The following RO60 variants were observed in gnomAD, a reference collection of about 807,000 sequenced individuals.
The protein encoded by RO60 is Ro60, Y RNA binding protein, also known as RNA-binding protein RO60.
RO60 carries 20 observed loss-of-function variants against 55.3 expected under a neutral mutation model. The ratio of observed to expected loss-of-function variants is 0.36; its 90% CI spans 0.25 to 0.53. The LOEUF (loss-of-function observed/expected upper bound fraction) is 0.53, where lower values mean the gene tolerates loss of function less well. Among genes scored for constraint, RO60 ranks in the 20% least tolerant of loss-of-function variants. RO60 has a pLI of 0.92. For missense variants in RO60, 558 were observed against 646.6 expected (o/e 0.86, Z 1.49); for synonymous variants, 213 against 213.6 (o/e 1.00, Z 0.02).
In RO60 at chr1:193,076,158, A is replaced by G. The variant is rs1673902446; in HGVS notation, c.801+118A>G. 4 of 609,920 alleles carry G rather than the reference A, an allele frequency of 6.6e-6. No individual in the cohort carries two copies. In the Admixed American group the frequency reaches 1.2e-4, roughly 18 times the overall value. The allele number at this position is 609,920 out of a possible 1,614,324, so 37.8% of individuals were successfully genotyped here. A position where few individuals can be genotyped will look rare whatever the true frequency, so the allele number is the denominator to read the frequency against. On this transcript the variant is annotated intron_variant, in intron 3 of 8. Coordinates refer to ENST00000400968, the MANE Select transcript of RO60 (RefSeq NM_001173524.2). The stretch of plus-strand genomic sequence containing the variant: ...CTTTTAAAAAGAAATTATTTAAAAT[A>G]TATCTTGAAATTGATGTCTGTTTAA...
At chr1:193,066,805 G>T (rs1279989351) in intron 1 of RO60, among the ~76,000 whole-genome samples, 1 of 152,056 alleles carries the variant, frequency 6.6e-6, no homozygotes, top group Admixed American at 6.5e-5. Context: ...ATGTCTTTAT[G>T]GCTCTACAGG....
At position 193,088,532 on chromosome 1, in the gene RO60, A is replaced by C. The variant is rs979684005; in HGVS notation, c.*3801A>C. The C allele has an allele frequency of 6.6e-6, 1 of 152,260 alleles. No homozygotes were observed. Among genetic ancestry groups the C allele is most frequent in the East Asian group, 1.9e-4 (1 of 5,176 alleles). 9.4% of individuals were successfully genotyped at this position (152,260 alleles called of 1,614,324 possible). On this transcript the variant is annotated 3_prime_UTR_variant, in exon 9 of 9. Coordinates refer to ENST00000400968, the MANE Select transcript of RO60 (RefSeq NM_001173524.2). Reference sequence around the variant, plus strand: ...AGTAAAGCTACACCTAAATAACTAAAGCCTAAATCATTGTAATGTTTTGTT... The same window carrying C: ...AGTAAAGCTACACCTAAATAACTAACGCCTAAATCATTGTAATGTTTTGTT...
chr1:193,083,130 G>A lies in RO60; in HGVS notation c.1464+422G>A, dbSNP rs950555248. On this transcript the variant is annotated intron_variant, in intron 8 of 8. Transcript: ENST00000400968. The stretch of plus-strand genomic sequence containing the variant: ...GTATCTTATATAGGAGCCAGTGTCC[G>A]TTATAGACTCAGCAGTACTTAAAAT... Among the ~76,000 whole-genome samples the A allele has an allele frequency of 5.3e-5, 8 of 152,082 alleles. No individual in the cohort carries two copies. In the South Asian group the frequency reaches 1.2e-3, roughly 24 times the overall value.
At position 193,089,765 on chromosome 1, in the gene RO60, GCAC is replaced by G. The variant is rs1674778164; in HGVS notation, c.*5038_*5040del. ...CTTCTGTTTTATTTAGCCCTGCCAT[GCAC>G]CACATTAATTTTATGAACATAAATG... On this transcript the variant is annotated 3_prime_UTR_variant, in exon 9 of 9. Coordinates refer to ENST00000400968, the MANE Select transcript of RO60 (RefSeq NM_001173524.2). 6.6e-6 allele frequency: 1 copy of G among 150,722 alleles called. No individual in the cohort carries two copies. The highest frequency in any genetic ancestry group is 1.5e-5 in the Non-Finnish European group (1 of 67,802). 9.3% of individuals were successfully genotyped at this position (150,722 alleles called of 1,614,324 possible). A position where few individuals can be genotyped will look rare whatever the true frequency, so the allele number is the denominator to read the frequency against.
chr1:193,074,052 A>G (rs1187823751), intron 2 of RO60, among the ~76,000 whole-genome samples: 6 of 151,974 alleles, frequency 3.9e-5, no homozygotes, highest in Non-Finnish European at 7.4e-5. Flanking sequence ...CCATGTCCCT[A>G]CAAAGGACAT....
Position 193,069,329 on chromosome 1 carries a change from T to C in RO60, c.275T>C (p.Met92Thr), listed in dbSNP as rs753858728. 9 of 1,614,120 alleles carry C rather than the reference T, an allele frequency of 5.6e-6. No individual in the cohort carries two copies. The African/African-American group carries it at 1.2e-4, about 22-fold the overall frequency. The stretch of plus-strand genomic sequence containing the variant: ...GGCAGAACCACAAAGCAAGAGCCTA[T>C]GCTCTTTGCACTTGCCATTTGTTCC... ...QEGRTTKQEPMLFALAICSQC... is the reference protein window; with the variant it reads ...QEGRTTKQEPTLFALAICSQC... The change falls in exon 2 of 9, where the codon ATG becomes ACG. Residue 92 changes from methionine (M) to threonine (T), a missense_variant. Met to Thr is a moderately conservative substitution (Grantham distance 81, BLOSUM62 -1). Transcript: ENST00000400968.
Position 193,059,661 on chromosome 1 carries a change from T to C in RO60, c.-137T>C. 7.3e-7 allele frequency: 1 copy of C among 1,377,470 alleles called. No homozygotes were observed. Among genetic ancestry groups the C allele is most frequent in the South Asian group, 1.2e-5 (1 of 86,738 alleles). 85.3% of individuals were successfully genotyped at this position (1,377,470 alleles called of 1,614,324 possible). On this transcript the variant is annotated 5_prime_UTR_variant, in exon 1 of 9. Coordinates refer to ENST00000400968, the MANE Select transcript of RO60 (RefSeq NM_001173524.2). This position sits in a 1 kb window ranked among gnomAD's most constrained non-coding sequence, Gnocchi z 4.9. ...GAATCCCCGGCGGCAGTGGGGCTGT[T>C]GCTGTTGCTGTGGCTGTCGCTGCCC...
In RO60 at chr1:193,090,288, T is replaced by C. The variant is rs1674806416; in HGVS notation, c.*5557T>C. On this transcript the variant is annotated 3_prime_UTR_variant, in exon 9 of 9. Coordinates refer to ENST00000400968, the MANE Select transcript of RO60 (RefSeq NM_001173524.2). ...TTTTAAATATCATTACCAGATATAA[T>C]TGAGGGAATATTATATCAACAAACA... 6.6e-6 allele frequency: 1 copy of C among 152,110 alleles called. No individual in the cohort carries two copies. Among genetic ancestry groups the C allele is most frequent in the Admixed American group, 6.6e-5 (1 of 15,222 alleles). 9.4% of individuals were successfully genotyped at this position (152,110 alleles called of 1,614,324 possible).
chr1:193,059,928 G>A lies in RO60; in HGVS notation c.-22+152G>A, dbSNP rs565410461. 3 of 1,366,270 alleles carry A rather than the reference G, an allele frequency of 2.2e-6. No homozygotes were observed. The highest frequency in any genetic ancestry group is 1.5e-5 in the African/African-American group (1 of 67,850). 84.6% of individuals were successfully genotyped at this position (1,366,270 alleles called of 1,614,324 possible). A position where few individuals can be genotyped will look rare whatever the true frequency, so the allele number is the denominator to read the frequency against. On this transcript the variant is annotated intron_variant, in intron 1 of 8. Transcript: ENST00000400968. This position sits in a 1 kb window ranked among gnomAD's most constrained non-coding sequence, Gnocchi z 4.9. ...TATCGCTCTTCCCCGTCCCGCTTCC[G>A]CGCCTGTCCACCCTGGGTAACGGAA...
intron 5 of RO60, among the ~76,000 whole-genome samples, chr1:193,080,763 C>T (rs533433795): frequency 3.3e-5 from 5 of 152,188 alleles, no homozygotes; most frequent in Non-Finnish European, 5.9e-5. Flanking sequence ...GCCAGACAAA[C>T]AAGGACAAGT....
intron 1 of RO60, among the ~76,000 whole-genome samples, chr1:193,066,760 G>A (rs1449023044): frequency 6.6e-6 from 1 of 152,076 alleles, no homozygotes; most frequent in Non-Finnish European, 1.5e-5. Context: ...CTTTTATCTT[G>A]TGTTCCTCTT....
chr1:193,065,120 G>A (rs1476007217), intron 1 of RO60, among the ~76,000 whole-genome samples: 13 of 152,116 alleles, frequency 8.5e-5, no homozygotes, highest in Admixed American at 5.9e-4. Context: ...CTCAAAATGT[G>A]TTATGGGAAA....
intron 5 of RO60, among the ~76,000 whole-genome samples, chr1:193,080,844 T>C (rs1674257393): frequency 6.6e-6 from 1 of 152,188 alleles, no homozygotes; most frequent in Admixed American, 6.6e-5. Context: ...GAATAGAAGT[T>C]GCCAGGGGCT....
chr1:193,077,512 A>C (rs1041795647), intron 5 of RO60, among the ~76,000 whole-genome samples: 1 of 152,200 alleles, frequency 6.6e-6, no homozygotes, highest in Non-Finnish European at 1.5e-5. Flanking sequence ...AGTGATGAGC[A>C]TAAGGGGGGA....
intron 1 of RO60, among the ~76,000 whole-genome samples, chr1:193,066,065 TCA>T (rs1673086295): frequency 6.6e-6 from 1 of 152,206 alleles, no homozygotes; most frequent in Non-Finnish European, 1.5e-5. Context: ...GGGAATGTCT[TCA>T]GTTTCCTTAT....
chr1:193,060,075 G>A (rs1672399009), intron 1 of RO60: 1 of 1,298,334 alleles, frequency 7.7e-7, no homozygotes, highest in Non-Finnish European at 1.0e-6. Flanking sequence ...GACGTCGAGA[G>A]GGCCTGCTTT....
At chr1:193,061,137 T>C (rs1022747007) in intron 1 of RO60, among the ~76,000 whole-genome samples, 2 of 152,158 alleles carry the variant, frequency 1.3e-5, no homozygotes, top group African/African-American at 4.8e-5. Context: ...GATTTCTGGG[T>C]CTTTGAGAAA....
At chr1:193,078,114 A>G (rs999544383) in intron 5 of RO60, among the ~76,000 whole-genome samples, 5 of 152,210 alleles carry the variant, frequency 3.3e-5, no homozygotes, top group African/African-American at 1.2e-4. Context: ...ACAACCAATC[A>G]ATGTAATACA....
At chr1:193,060,075 G>T in intron 1 of RO60, 1 of 1,298,334 alleles carries the variant, frequency 7.7e-7, no homozygotes, top group South Asian at 1.3e-5. Flanking sequence ...GACGTCGAGA[G>T]GGCCTGCTTT....
Sources: allele counts gnomAD v4.1 joint callset (sites outside exome capture counted in the v4.1 genomes callset), GRCh38; gene constraint gnomAD v4.1.1; non-coding constraint Gnocchi (gnomAD v3.1); transcripts MANE v1.5; gene names NCBI Gene and HGNC (gene_info 2026-07-23, HGNC 2026-07-21).